Variants in KIAA0319 observed in about 807,000 individuals in gnomAD.
KIAA0319 encodes the protein dyslexia-associated protein KIAA0319.
Under a neutral mutation model 108.4 loss-of-function variants are expected in KIAA0319, and 83 were observed. The observed-to-expected ratio is 0.77, with a 90% CI of 0.64 to 0.92. The LOEUF (loss-of-function observed/expected upper bound fraction) is 0.92. Ranked by LOEUF, KIAA0319 falls within the 40% of genes least tolerant of loss-of-function variation. The pLI is 0.00. For missense variants in KIAA0319, 1,195 were observed against 1,322.4 expected, an observed-to-expected ratio of 0.90 and a Z score of 1.49; for synonymous variants, 484 against 510.4, an observed-to-expected ratio of 0.95 and a Z score of 0.70.
intron 10 of KIAA0319, among the ~76,000 whole-genome samples, chr6:24,573,450 G>A (rs997367560): frequency 2.0e-5 from 3 of 152,160 alleles, no homozygotes; most frequent in Non-Finnish European, 4.4e-5. Flanking sequence ...TTAAAATCAT[G>A]AGGCAGGTTT....
Position 24,599,002 on chromosome 6 carries a change from T to C in KIAA0319, c.55+2047A>G. ...CTGGAGGAGTCTCGCCTGGAAGGGC[T>C]GAATAACGAGATCAACTTCCTCAGG... On this transcript the variant is annotated intron_variant, in intron 2 of 20. Transcript: ENST00000378214. The surrounding 1 kb of genome is among the most constrained non-coding windows in gnomAD (Gnocchi z 4.1). 1.4e-6 allele frequency: 1 copy of C among 698,428 alleles called. No individual in the cohort carries two copies. Among genetic ancestry groups the C allele is most frequent in the South Asian group, 1.5e-5 (1 of 66,654 alleles). The allele number at this position is 698,428 out of a possible 1,614,324, so 43.3% of individuals were successfully genotyped here.
intron 1 of KIAA0319, among the ~76,000 whole-genome samples, chr6:24,621,829 A>C (rs999045059): frequency 1.3e-5 from 2 of 152,234 alleles, no homozygotes; most frequent in African/African-American, 4.8e-5. Flanking sequence ...ACTTTTGGTG[A>C]CAGCACTGGA....
At chr6:24,636,470 GT>G (rs1776217255) in intron 1 of KIAA0319, among the ~76,000 whole-genome samples, 1 of 152,212 alleles carries the variant, frequency 6.6e-6, no homozygotes, top group Admixed American at 6.5e-5. Flanking sequence ...ACAGGATCTA[GT>G]TTGAGGCACT....
At chr6:24,549,774 A>G (rs1451023596) in intron 20 of KIAA0319, among the ~76,000 whole-genome samples, 1 of 152,212 alleles carries the variant, frequency 6.6e-6, no homozygotes, top group Non-Finnish European at 1.5e-5. Flanking sequence ...TATTATTACT[A>G]TTAGTTCACG....
chr6:24,574,956 G>C (rs181706347), intron 10 of KIAA0319, among the ~76,000 whole-genome samples: 17 of 152,348 alleles, frequency 1.1e-4, no homozygotes, highest in South Asian at 2.1e-4. Flanking sequence ...TGTGGCAAAT[G>C]GGAACTGAGC....
At chr6:24,563,745 C>T (rs1171914573) in intron 15 of KIAA0319, among the ~76,000 whole-genome samples, 2 of 152,142 alleles carry the variant, frequency 1.3e-5, no homozygotes, top group East Asian at 1.9e-4. Flanking sequence ...AGAAGATAAT[C>T]GGGTGTACCT....
chr6:24,569,590 A>C (rs986660667), intron 12 of KIAA0319, among the ~76,000 whole-genome samples: 1 of 152,234 alleles, frequency 6.6e-6, no homozygotes, highest in African/African-American at 2.4e-5. Flanking sequence ...TGGTGTCTAC[A>C]GTCACTGCAG....
chr6:24,625,958 T>TA, intron 1 of KIAA0319, among the ~76,000 whole-genome samples: 1 of 152,244 alleles, frequency 6.6e-6, no homozygotes, highest in South Asian at 2.1e-4. Flanking sequence ...CCCATAGGCT[T>TA]AAAATGGATA....
rs930083190 is a variant in KIAA0319, at chr6:24,599,515, T to C, written c.55+1534A>G. The C allele has an allele frequency of 6.9e-5, 39 of 567,632 alleles. No individual in the cohort carries two copies. The highest frequency in any genetic ancestry group is 2.7e-4 in the South Asian group (18 of 66,216). 35.2% of individuals were successfully genotyped at this position (567,632 alleles called of 1,614,324 possible). A position where few individuals can be genotyped will look rare whatever the true frequency, so the allele number is the denominator to read the frequency against. ...ATCAAGCCAACCCTGGACATCGAGA[T>C]TGTCACCTACAGGAAGGTGCTGGAG... On this transcript the variant is annotated intron_variant, in intron 2 of 20. Transcript: ENST00000378214. This position sits in a 1 kb window ranked among gnomAD's most constrained non-coding sequence, Gnocchi z 4.1.
intron 11 of KIAA0319, among the ~76,000 whole-genome samples, chr6:24,571,289 C>T (rs1377085816): frequency 6.6e-6 from 1 of 151,252 alleles, no homozygotes; most frequent in South Asian, 2.1e-4. Context: ...CACCTGTAAT[C>T]CCAGTACTTT....
At chr6:24,612,466 G>A (rs1033129501) in intron 1 of KIAA0319, among the ~76,000 whole-genome samples, 2 of 151,868 alleles carry the variant, frequency 1.3e-5, no homozygotes, top group African/African-American at 4.8e-5. Flanking sequence ...TAAAGAAAAA[G>A]AAAAGATGGA....
chr6:24,629,084 A>T (rs921535697), intron 1 of KIAA0319, among the ~76,000 whole-genome samples: 6 of 152,214 alleles, frequency 3.9e-5, no homozygotes, highest in Non-Finnish European at 7.3e-5. Flanking sequence ...GACTGCATGA[A>T]GTACCTAGAG....
At chr6:24,602,421 T>A (rs1315871910) in intron 1 of KIAA0319, among the ~76,000 whole-genome samples, 2 of 152,246 alleles carry the variant, frequency 1.3e-5, no homozygotes, top group Non-Finnish European at 2.9e-5. Flanking sequence ...GATGGCATTG[T>A]TTATGCATGC....
Position 24,595,805 on chromosome 6 carries a change from CTCAGCCCCTCCT to C in KIAA0319, c.801+56_801+67del, listed in dbSNP as rs942353671. 10 of 1,502,386 alleles carry C rather than the reference CTCAGCCCCTCCT, an allele frequency of 6.7e-6. No homozygotes were observed. In the African/African-American group the frequency reaches 1.4e-4, roughly 21 times the overall value. 93.1% of individuals were successfully genotyped at this position (1,502,386 alleles called of 1,614,324 possible). A position where few individuals can be genotyped will look rare whatever the true frequency, so the allele number is the denominator to read the frequency against. On this transcript the variant is annotated intron_variant, in intron 3 of 20. Coordinates refer to ENST00000378214, the MANE Select transcript of KIAA0319 (RefSeq NM_014809.4). ...CTGAATGAGTGCCCGGCTCCTGAAA[CTCAGCCCCTCCT>C]ACGGTCTGCCCCACTCAGCCCATCC... is the stretch of plus-strand genomic sequence containing the variant.
chr6:24,568,856 A>G lies in KIAA0319; in HGVS notation c.2065T>C (p.Tyr689His). ...TCTTTCACTGTCAAACGGAAGTGGT[A>G]GGTCCCCACCTGGAGACCAGTCACA... is the stretch of plus-strand genomic sequence containing the variant. ...ATVTGLQVGT[Y>H]HFRLTVKDQQ... Residue 689 changes from tyrosine to histidine, a missense_variant, in exon 13 of 21, where the codon TAC (tyrosine) becomes CAC (histidine). Coordinates refer to ENST00000378214, the MANE Select transcript of KIAA0319 (RefSeq NM_014809.4). 6.2e-7 allele frequency: 1 copy of G among 1,614,090 alleles called. No individual in the cohort carries two copies.
intron 1 of KIAA0319, among the ~76,000 whole-genome samples, chr6:24,627,249 C>T (rs1774836856): frequency 6.6e-6 from 1 of 152,188 alleles, no homozygotes; most frequent in Non-Finnish European, 1.5e-5. Context: ...CTGGCAGGCT[C>T]TCCCAAGACA....
rs183245503 is a variant in KIAA0319, at chr6:24,566,075, G to A, written c.2292+522C>T. ...ATCTCAAAGCAGCCTACTGCCTCCA[G>A]CCTTCAGAACATTCTAATGTAGAAG... On this transcript the variant is annotated intron_variant, in intron 14 of 20. Transcript: ENST00000378214. Among the ~76,000 whole-genome samples, 540 of 152,334 alleles carry A rather than the reference G, an allele frequency of 3.5e-3. 2 individuals carry two copies. The highest frequency in any genetic ancestry group is 6.0e-3 in the Non-Finnish European group (407 of 68,032).
In KIAA0319 at chr6:24,619,945, G is replaced by T. The variant is rs151016750; in HGVS notation, c.-105-18737C>A. Among the ~76,000 whole-genome samples the T allele has an allele frequency of 1.6e-3, 239 of 152,336 alleles. 1 individual carries two copies. Among genetic ancestry groups the T allele is most frequent in the Non-Finnish European group, 2.8e-3 (193 of 68,036 alleles). ...CCTGACTAAAAAGTGCCGACCATCT[G>T]AAATGACAATCACATGGATCCCATT... is the stretch of plus-strand genomic sequence containing the variant. On this transcript the variant is annotated intron_variant, in intron 1 of 20. Transcript: ENST00000378214.
In KIAA0319 at chr6:24,579,430, TATCTTATATATCTC is replaced by T. The variant is rs1454832569; in HGVS notation, c.1372+414_1372+427del. The stretch of plus-strand genomic sequence containing the variant: ...ATATAAAGATATATATATATATATA[TATCTTATATATCTC>T]ATATATATCTTATATATCTCATATA... On this transcript the variant is annotated intron_variant, in intron 8 of 20. Transcript: ENST00000378214. Among the ~76,000 whole-genome samples, 6 of 141,274 alleles carry T rather than the reference TATCTTATATATCTC, an allele frequency of 4.2e-5. No individual in the cohort carries two copies. In the South Asian group the frequency reaches 8.8e-4, roughly 21 times the overall value. The allele number at this position is 141,274 out of a possible 152,430, so 92.7% of individuals were successfully genotyped here.
Sources: gnomAD v4.1 joint callset for allele counts (sites outside exome capture counted in the v4.1 genomes callset) on GRCh38, gnomAD v4.1.1 for gene constraint, Gnocchi (gnomAD v3.1) non-coding constraint, MANE v1.5 for transcripts, NCBI Gene and HGNC (gene_info 2026-07-23, HGNC 2026-07-21) for gene names.